Variants in GNAI1 observed in about 807,000 individuals in gnomAD.
GNAI1 encodes the protein G protein subunit alpha i1, also known as guanine nucleotide-binding protein G(i) subunit alpha-1.
Under a neutral mutation model 38.9 loss-of-function variants are expected in GNAI1, and 11 were observed. The ratio of observed to expected loss-of-function variants is 0.28; its 90% confidence interval spans 0.18 to 0.47. The LOEUF (loss-of-function observed/expected upper bound fraction) is 0.47. GNAI1 is among the 20% of genes least tolerant of loss of function. The probability of loss-of-function intolerance (pLI) is 0.99; values close to 1 mark genes in which losing one functional copy is unlikely to be tolerated. For synonymous variants in GNAI1, 166 were observed against 145.1 expected, an observed-to-expected ratio of 1.14 and a Z score of -1.04; for missense variants, 317 against 436.9, an observed-to-expected ratio of 0.73 and a Z score of 2.45.
rs550230699 is a variant in GNAI1 at position 80,171,900 on chromosome 7, A to G, written c.119-17051A>G. Among the ~76,000 whole-genome samples, 15 of 152,298 alleles carry G rather than the reference A, an allele frequency of 9.8e-5. No individual in the cohort carries two copies. The South Asian group carries it at 2.9e-3, about 29-fold the overall frequency. ...TTTGTTTTGTACACCACATCTCTGTATATAATCCTATTTGTGTGCCCTTCC... is the reference window on the plus strand; with the variant it reads ...TTTGTTTTGTACACCACATCTCTGTGTATAATCCTATTTGTGTGCCCTTCC... On this transcript the variant is annotated intron_variant, in intron 1 of 7. Transcript: ENST00000649796.
At chr7:80,144,440 A>G (rs1410718437) in intron 1 of GNAI1, among the ~76,000 whole-genome samples, 1 of 152,170 alleles carries the variant, frequency 6.6e-6, no homozygotes, top group Non-Finnish European at 1.5e-5. Flanking sequence ...ATGTCTTTAA[A>G]AGTGGTGGTA....
chr7:80,153,262 A>G (rs1787759406), intron 1 of GNAI1, among the ~76,000 whole-genome samples: 1 of 152,044 alleles, frequency 6.6e-6, no homozygotes, highest in Non-Finnish European at 1.5e-5. Context: ...TTCACTTTGT[A>G]TTCTTTTTTT....
chr7:80,149,148 G>A (rs1328260429), intron 1 of GNAI1, among the ~76,000 whole-genome samples: 1 of 152,078 alleles, frequency 6.6e-6, no homozygotes, highest in African/African-American at 2.4e-5. Flanking sequence ...TATTGCAAAT[G>A]TAACTTTACA....
chr7:80,147,488 C>T (rs960256768), intron 1 of GNAI1, among the ~76,000 whole-genome samples: 2 of 151,940 alleles, frequency 1.3e-5, no homozygotes, highest in African/African-American at 2.4e-5. Flanking sequence ...CCCCCTGATG[C>T]GATCTCCAGC....
intron 5 of GNAI1, among the ~76,000 whole-genome samples, 180 bp from the exon 6 acceptor site, chr7:80,210,788 GT>G (rs1217159138): frequency 6.7e-6 from 1 of 149,014 alleles, no homozygotes; most frequent in African/African-American, 2.5e-5. Flanking sequence ...AAACTAGCAG[GT>G]TTTTTTCCCC....
intron 1 of GNAI1, among the ~76,000 whole-genome samples, chr7:80,166,558 T>G (rs1788012991): frequency 6.6e-6 from 1 of 152,148 alleles, no homozygotes; most frequent in Admixed American, 6.5e-5. Flanking sequence ...TTAGTTCCAT[T>G]TACATACTGA....
intron 1 of GNAI1, among the ~76,000 whole-genome samples, chr7:80,139,668 A>G (rs1250108587): frequency 1.3e-5 from 2 of 152,242 alleles, no homozygotes; most frequent in African/African-American, 4.8e-5. Context: ...TGTTTTCAAT[A>G]TCAATGAGAG....
Position 80,164,311 on chromosome 7 carries a change from G to A in GNAI1, c.119-24640G>A, listed in dbSNP as rs149410756. ...CCACCTCGGCCTCCCAAAGTGCTGGGATTACAGGCGTAAGCCACCGCACCT... is the reference window on the plus strand; with the variant it reads ...CCACCTCGGCCTCCCAAAGTGCTGGAATTACAGGCGTAAGCCACCGCACCT... On this transcript the variant is annotated intron_variant, in intron 1 of 7. Transcript: ENST00000649796. Among the ~76,000 whole-genome samples, 762 of 150,246 alleles carry A rather than the reference G, an allele frequency of 5.1e-3. 4 individuals carry two copies. Among genetic ancestry groups the A allele is most frequent in the African/African-American group, 0.017 (683 of 40,916 alleles).
chr7:80,206,346 A>AT (rs1375591216), intron 5 of GNAI1, among the ~76,000 whole-genome samples: 1 of 151,254 alleles, frequency 6.6e-6, no homozygotes, highest in Non-Finnish European at 1.5e-5. Flanking sequence ...TTTTATTTTC[A>AT]TTTTTTTCTT....
At position 80,221,647 on chromosome 7, in the gene GNAI1, T is replaced by TTTC. The variant is rs1789079603; in HGVS notation, c.*4156_*4157insCTT. Among the ~76,000 whole-genome samples the TTTC allele has an allele frequency of 7.1e-6, 1 of 140,262 alleles. No homozygotes were observed. Among genetic ancestry groups the TTTC allele is most frequent in the East Asian group, 2.1e-4 (1 of 4,736 alleles). 92.0% of individuals were successfully genotyped at this position (140,262 alleles called of 152,430 possible). On this transcript the variant is annotated 3_prime_UTR_variant, in exon 8 of 8. Transcript: ENST00000649796. ...AGGTTGGAAATTTTCTTTTTTTTTT[T>TTTC]TTTTTTTTTTTTTTGGTATGGAGTC...
chr7:80,197,061 A>C (rs1453265884), intron 3 of GNAI1, among the ~76,000 whole-genome samples: 1 of 151,484 alleles, frequency 6.6e-6, no homozygotes, highest in Non-Finnish European at 1.5e-5. Context: ...GTATTCTTTC[A>C]ATATGTCTCT....
At chr7:80,138,971 T>C (rs1005797848) in intron 1 of GNAI1, among the ~76,000 whole-genome samples, 1 of 152,220 alleles carries the variant, frequency 6.6e-6, no homozygotes, top group African/African-American at 2.4e-5. Flanking sequence ...GAACTTGCCC[T>C]GTGACTTCCC....
chr7:80,158,106 T>C (rs1787851432), intron 1 of GNAI1, among the ~76,000 whole-genome samples: 1 of 152,190 alleles, frequency 6.6e-6, no homozygotes, highest in South Asian at 2.1e-4. Context: ...TATTTTCTTA[T>C]TGTTTCTGTG....
At chr7:80,171,038 T>G in intron 1 of GNAI1, among the ~76,000 whole-genome samples, 1 of 152,176 alleles carries the variant, frequency 6.6e-6, no homozygotes, top group African/African-American at 2.4e-5. Context: ...GTTCATTACT[T>G]CTGGTTCTCT....
At chr7:80,144,099 T>C (rs1787576962) in intron 1 of GNAI1, among the ~76,000 whole-genome samples, 2 of 152,200 alleles carry the variant, frequency 1.3e-5, no homozygotes, top group African/African-American at 4.8e-5. Flanking sequence ...CAGGTAAATA[T>C]CTGTGCTGTG....
rs1788895823 is a variant in GNAI1, at chr7:80,212,747, A to G, written c.752A>G (p.Asp251Gly). ...NRMHESMKLF[D>G]SICNNKWFTD... ...ATGCATGAAAGCATGAAATTGTTTG[A>G]CAGCATATGTAACAACAAGTGGTTT... Residue 251 changes from aspartate to glycine, a missense_variant, in exon 7 of 8, where the codon GAC becomes GGC. This residue lies in a region of GNAI1 where 158 missense variants were observed against 234.7 expected (regional missense o/e 0.67). Transcript: ENST00000649796. 1.3e-6 allele frequency: 2 copies of G among 1,546,908 alleles called. No homozygotes were observed. The highest frequency in any genetic ancestry group is 1.3e-5 in the South Asian group (1 of 77,004).
At chr7:80,147,111 A>G (rs780367114) in intron 1 of GNAI1, among the ~76,000 whole-genome samples, 2 of 152,122 alleles carry the variant, frequency 1.3e-5, no homozygotes, top group Admixed American at 6.6e-5. Context: ...TTTTGATGAT[A>G]CGATTGTTCA....
At chr7:80,156,221 G>A (rs564012065) in intron 1 of GNAI1, among the ~76,000 whole-genome samples, 1 of 152,058 alleles carries the variant, frequency 6.6e-6, no homozygotes, top group Non-Finnish European at 1.5e-5. Context: ...AAAATATGTT[G>A]TACTCATTAG....
At chr7:80,137,590 G>T (rs1787447751) in intron 1 of GNAI1, among the ~76,000 whole-genome samples, 1 of 152,112 alleles carries the variant, frequency 6.6e-6, no homozygotes. Context: ...GAAGTTCTGG[G>T]ATTACAGGCG....
Sources: gnomAD v4.1 joint callset for allele counts (sites outside exome capture counted in the v4.1 genomes callset) on GRCh38, gnomAD v4.1.1 for gene constraint, gnomAD v4.1.1 regional missense constraint, MANE v1.5 for transcripts, NCBI Gene and HGNC (gene_info 2026-07-23, HGNC 2026-07-21) for gene names.